SCN1A: variants seen among roughly 807,000 people sequenced by gnomAD.
The protein encoded by SCN1A is sodium channel protein type 1 subunit alpha.
A neutral mutation model predicts 193.7 loss-of-function variants in SCN1A; 13 were observed. The ratio of observed to expected loss-of-function variants is 0.07; its 90% CI spans 0.04 to 0.11. The LOEUF is 0.11. SCN1A is among the 10% of genes least tolerant of loss of function. The pLI is 1.00. For missense variants in SCN1A, 1,432 were observed against 2,451.1 expected (o/e 0.58, Z 8.78); for synonymous variants, 781 against 843.6 (o/e 0.93, Z 1.29).
chr2:166,111,112 A>C (rs1046696345), intron 2 of SCN1A, among the ~76,000 whole-genome samples: 9 of 152,122 alleles, frequency 5.9e-5, no homozygotes, highest in African/African-American at 2.2e-4. Flanking sequence ...TACACTAAAC[A>C]ACAGATTTTC....
intron 2 of SCN1A, among the ~76,000 whole-genome samples, chr2:166,091,561 A>C (rs1408387417): frequency 6.6e-6 from 1 of 152,188 alleles, no homozygotes; most frequent in African/African-American, 2.4e-5. Context: ...AAGGACATGA[A>C]CCAAGCTGCA....
chr2:166,001,893 T>TG (rs1330610396), intron 24 of SCN1A, among the ~76,000 whole-genome samples: 1 of 144,154 alleles, frequency 6.9e-6, no homozygotes, highest in Non-Finnish European at 1.5e-5. Flanking sequence ...TTTTTTTTTT[T>TG]TTTTTTTTTT....
intron 19 of SCN1A, among the ~76,000 whole-genome samples, chr2:166,021,853 C>A: frequency 6.6e-6 from 1 of 152,062 alleles, no homozygotes; most frequent in Non-Finnish European, 1.5e-5. Context: ...CTCACTCCAG[C>A]CTTAAGTGGC....
chr2:166,004,124 T>C (rs16851356), intron 23 of SCN1A, among the ~76,000 whole-genome samples: 20,801 of 151,612 alleles, frequency 0.14, 1,819 homozygotes, highest in East Asian at 0.33. Context: ...CCTTATCTCA[T>C]CTGACTGTCT....
chr2:166,072,789 TTTCCTTCCTTCCTTCC>T (rs3032639), intron 4 of SCN1A, among the ~76,000 whole-genome samples: 1 of 144,482 alleles, frequency 6.9e-6, no homozygotes, highest in Non-Finnish European at 1.5e-5. Flanking sequence ...TGCCTCTTTC[TTTCCTTCCTTCCTTCC>T]TTCCTTCCTT....
At chr2:166,148,050 C>T (rs954520462) in intron 1 of SCN1A, among the ~76,000 whole-genome samples, 4 of 152,188 alleles carry the variant, frequency 2.6e-5, no homozygotes, top group African/African-American at 9.7e-5. Context: ...ATCACGTAGA[C>T]AGTTTATGCA....
intron 1 of SCN1A, among the ~76,000 whole-genome samples, chr2:166,147,685 T>C (rs73030854): frequency 0.022 from 3,348 of 152,258 alleles, 48 homozygotes; most frequent in Non-Finnish European, 0.026. Context: ...TTCAGTAATA[T>C]AAAATCAGGC....
At chr2:166,080,431 A>C (rs1169881484) in intron 2 of SCN1A, among the ~76,000 whole-genome samples, 1 of 151,896 alleles carries the variant, frequency 6.6e-6, no homozygotes, top group African/African-American at 2.4e-5. Flanking sequence ...AAAATTAAGA[A>C]GAGAACTAAG....
intron 1 of SCN1A, among the ~76,000 whole-genome samples, chr2:166,145,085 C>G (rs1439506427): frequency 1.3e-5 from 2 of 151,722 alleles, no homozygotes; most frequent in Non-Finnish European, 2.9e-5. Flanking sequence ...ATCTGCCAGC[C>G]TTGGTCTCCC....
intron 19 of SCN1A, among the ~76,000 whole-genome samples, chr2:166,029,528 T>C (rs985611183): frequency 6.6e-6 from 1 of 152,150 alleles, no homozygotes; most frequent in African/African-American, 2.4e-5. Flanking sequence ...GGTTGGAGAT[T>C]GTCGTATGTT....
intron 23 of SCN1A, among the ~76,000 whole-genome samples, chr2:166,006,547 G>A (rs577515889): frequency 7.9e-5 from 12 of 151,182 alleles, no homozygotes; most frequent in African/African-American, 2.7e-4. Flanking sequence ...TTTATTTCTA[G>A]GTATGTATTC....
In SCN1A at chr2:166,035,903, G is replaced by GA. The variant is rs1208292365; in HGVS notation, c.3429+144dup. 11 of 791,378 alleles carry GA rather than the reference G, an allele frequency of 1.4e-5. No individual in the cohort carries two copies. The African/African-American group carries it at 2.0e-4, about 14-fold the overall frequency. 49.0% of individuals were successfully genotyped at this position (791,378 alleles called of 1,614,324 possible). On this transcript the variant is annotated intron_variant, in intron 19 of 28. Transcript: ENST00000674923. ...CAAAATTTAGAGCATGGTTTCTAGTGAATGGCTATTGCTTTTGTATTATCA... is the reference window on the plus strand; with the variant it reads ...CAAAATTTAGAGCATGGTTTCTAGTGAAATGGCTATTGCTTTTGTATTATCA...
In SCN1A at chr2:165,994,450, G is replaced by A. The variant is rs1172527775; in HGVS notation, c.4582-34C>T. ...AAATAGAAATGCTTTTAACAACAAA[G>A]GAGTTTTCTCATGTGCATTAGCATT... is the stretch of plus-strand genomic sequence containing the variant. On this transcript the variant is annotated intron_variant, in intron 27 of 28. Coordinates refer to ENST00000674923, the MANE Select transcript of SCN1A (RefSeq NM_001165963.4). 8 of 1,607,182 alleles carry A rather than the reference G, an allele frequency of 5.0e-6. No individual in the cohort carries two copies. In the South Asian group the frequency reaches 6.6e-5, roughly 13 times the overall value.
chr2:166,012,217 C>T lies in SCN1A; in HGVS notation c.3771G>A (p.Lys1257=). 6.2e-7 allele frequency: 1 copy of T among 1,610,358 alleles called. No individual in the cohort carries two copies. Among genetic ancestry groups the T allele is most frequent in the African/African-American group, 1.3e-5 (1 of 74,812 alleles). The change falls in exon 22 of 29, where the codon AAG becomes AAA. Residue 1257 remains lysine, a synonymous_variant. Coordinates refer to ENST00000674923, the MANE Select transcript of SCN1A (RefSeq NM_001165963.4). ...CCAGAATGAAAATGTAAGTGAAAAC[C>T]TTGTCAGCATATTCCAACATCGTCT... is the stretch of plus-strand genomic sequence containing the variant. The part of the protein sequence containing the change: ...TIKTMLEYAD[K]VFTYIFILEM...
upstream of SCN1A, among the ~76,000 whole-genome samples, chr2:166,130,134 T>A (rs952794754): frequency 1.3e-5 from 2 of 152,188 alleles, no homozygotes; most frequent in Non-Finnish European, 2.9e-5. Context: ...AGTCCCATGA[T>A]AAACTCAAAC....
chr2:165,991,713 C>A lies in SCN1A; in HGVS notation c.5562G>T (p.Leu1854Phe), dbSNP rs765914914. Residue 1854 changes from leucine to phenylalanine, a missense_variant, in exon 29 of 29, where the codon TTG (leucine) becomes TTT (phenylalanine). By Grantham distance (22) the Leu-to-Phe change is conservative. Coordinates refer to ENST00000674923, the MANE Select transcript of SCN1A (RefSeq NM_001165963.4). ...PNKLQLIAMD[L>F]PMVSGDRIHC... Reference sequence around the variant, plus strand: ...GGATCCGGTCACCACTCACCATGGGCAAATCCATGGCAATGAGCTGGAGTT... The same window carrying A: ...GGATCCGGTCACCACTCACCATGGGAAAATCCATGGCAATGAGCTGGAGTT... 1 of 1,613,880 alleles carries A rather than the reference C, an allele frequency of 6.2e-7. No individual in the cohort carries two copies. The highest frequency in any genetic ancestry group is 8.5e-7 in the Non-Finnish European group (1 of 1,179,918).
intron 11 of SCN1A, among the ~76,000 whole-genome samples, chr2:166,047,189 T>C (rs893395930): frequency 1.3e-5 from 2 of 152,130 alleles, no homozygotes; most frequent in African/African-American, 4.8e-5. Context: ...TATGGCAGAA[T>C]TTTTGTATTC....
At position 165,989,530 on chromosome 2, in the gene SCN1A, A is replaced by G. The variant is rs1194829153; in HGVS notation, c.*1715T>C. On this transcript the variant is annotated 3_prime_UTR_variant, in exon 29 of 29. Coordinates refer to ENST00000674923, the MANE Select transcript of SCN1A (RefSeq NM_001165963.4). ...TGCAGGTACTACCAGAAATATAAAT[A>G]AAATTTTAAACCCTTTTCCAATTGC... The G allele has an allele frequency of 6.6e-6, 1 of 152,202 alleles. No homozygotes were observed. The highest frequency in any genetic ancestry group is 2.4e-5 in the African/African-American group (1 of 41,450). 9.4% of individuals were successfully genotyped at this position (152,202 alleles called of 1,614,324 possible). A position where few individuals can be genotyped will look rare whatever the true frequency, so the allele number is the denominator to read the frequency against.
rs1388837338 is a variant in SCN1A at position 166,042,277 on chromosome 2, G to T, written c.2176+15C>A. On this transcript the variant is annotated intron_variant, in intron 15 of 28. Coordinates refer to ENST00000674923, the MANE Select transcript of SCN1A (RefSeq NM_001165963.4). ...GGTGAAAATAATTGAAACGAAAATA[G>T]AATTTGTTACCAACCTTCTACTGTA... 1.2e-6 allele frequency: 2 copies of T among 1,610,110 alleles called. No individual in the cohort carries two copies. The highest frequency in any genetic ancestry group is 1.7e-6 in the Non-Finnish European group (2 of 1,177,906).
Sources: gnomAD v4.1 joint callset for allele counts (sites outside exome capture counted in the v4.1 genomes callset) on GRCh38, gnomAD v4.1.1 for gene constraint, MANE v1.5 for transcripts, NCBI Gene and HGNC (gene_info 2026-07-23, HGNC 2026-07-21) for gene names.